The following CIMIP2C variants were observed in gnomAD, a reference collection of about 807,000 sequenced individuals.
CIMIP2C encodes the protein ciliary microtubule inner protein 2C.
At chr2:26,563,810 C>T in the CIMIP2C span, among the ~76,000 whole-genome samples, 1 of 152,206 alleles carries the variant, frequency 6.6e-6, no homozygotes, top group South Asian at 2.1e-4. Context: ...CAAATCATTT[C>T]TGGAGGCTGC....
the CIMIP2C span, among the ~76,000 whole-genome samples, chr2:26,577,327 C>T: frequency 2.9e-3 from 442 of 152,274 alleles, 3 homozygotes; most frequent in African/African-American, 8.6e-3. Context: ...GATGAGAAGT[C>T]GTGACTCAGT....
At chr2:26,574,290 G>T in the CIMIP2C span, among the ~76,000 whole-genome samples, 2 of 152,232 alleles carry the variant, frequency 1.3e-5, no homozygotes, top group South Asian at 4.1e-4. Flanking sequence ...AGGGGCAGGG[G>T]TCTGGTGCAG....
chr2:26,572,117 T>C, the CIMIP2C span: 1 of 1,545,456 alleles, frequency 6.5e-7, no homozygotes, highest in South Asian at 1.2e-5. Context: ...CAATTTTAGA[T>C]GCCATGGGTT....
the CIMIP2C span, among the ~76,000 whole-genome samples, chr2:26,573,255 G>A: frequency 1.3e-5 from 2 of 152,122 alleles, no homozygotes; most frequent in Non-Finnish European, 2.9e-5. Flanking sequence ...AAGGAGGGAG[G>A]GAATCTGCAA....
the CIMIP2C span, among the ~76,000 whole-genome samples, chr2:26,565,475 G>A: frequency 1.3e-5 from 2 of 152,210 alleles, no homozygotes; most frequent in South Asian, 2.1e-4. Context: ...GCCGAGCCTC[G>A]GCTTTGTGAC....
the CIMIP2C span, among the ~76,000 whole-genome samples, chr2:26,569,016 CAAAA>C: frequency 9.1e-5 from 12 of 132,040 alleles, no homozygotes; most frequent in Non-Finnish European, 9.7e-5. Flanking sequence ...GACTCAGTCT[CAAAA>C]AAAAAAAAAA....
the CIMIP2C span, chr2:26,577,429 C>A: frequency 2.3e-6 from 3 of 1,280,648 alleles, no homozygotes; most frequent in African/African-American, 2.9e-5. Context: ...CCAACCCTGC[C>A]CAGGTGCAGC....
the CIMIP2C span, among the ~76,000 whole-genome samples, chr2:26,568,280 C>T: frequency 1.3e-5 from 2 of 152,190 alleles, no homozygotes; most frequent in South Asian, 2.1e-4. Context: ...CTTAGGGAGC[C>T]TCTGGCCACT....
At chr2:26,574,338 C>T in the CIMIP2C span, among the ~76,000 whole-genome samples, 12 of 152,308 alleles carry the variant, frequency 7.9e-5, no homozygotes, top group African/African-American at 2.9e-4. Flanking sequence ...AGGCCAGGTA[C>T]AAGGGCACAT....
chr2:26,568,344 G>A, the CIMIP2C span, among the ~76,000 whole-genome samples: 5 of 152,114 alleles, frequency 3.3e-5, no homozygotes, highest in African/African-American at 9.7e-5. Flanking sequence ...CATAAGCCAC[G>A]TCATTCCCCA....
At chr2:26,576,472 C>T in the CIMIP2C span, among the ~76,000 whole-genome samples, 35 of 152,178 alleles carry the variant, frequency 2.3e-4, no homozygotes, top group Non-Finnish European at 4.6e-4. Context: ...TCTCTAGGCT[C>T]CTGCCCTTAC....
the CIMIP2C span, among the ~76,000 whole-genome samples, chr2:26,566,553 G>A: frequency 2.6e-5 from 4 of 152,216 alleles, no homozygotes; most frequent in Non-Finnish European, 5.9e-5. Flanking sequence ...TATCAACATA[G>A]TGTCCTTAAT....
the CIMIP2C span, among the ~76,000 whole-genome samples, chr2:26,575,261 C>T: frequency 6.6e-6 from 1 of 152,210 alleles, no homozygotes; most frequent in Non-Finnish European, 1.5e-5. Context: ...AGCAAGGCTG[C>T]GGCGTCCTGA....
the CIMIP2C span, among the ~76,000 whole-genome samples, chr2:26,564,427 C>T: frequency 4.6e-5 from 7 of 152,132 alleles, no homozygotes; most frequent in East Asian, 3.9e-4. Context: ...TTCCCTTGAG[C>T]GCCCTGTCCT....
chr2:26,564,140 T>C, the CIMIP2C span, among the ~76,000 whole-genome samples: 3 of 152,218 alleles, frequency 2.0e-5, no homozygotes, highest in Admixed American at 1.3e-4. Flanking sequence ...TTCAAATCCA[T>C]TTTTGCAGCC....
the CIMIP2C span, among the ~76,000 whole-genome samples, chr2:26,576,759 C>T: frequency 6.6e-6 from 1 of 152,216 alleles, no homozygotes; most frequent in Non-Finnish European, 1.5e-5. Flanking sequence ...GAAGGGGACC[C>T]ACCCACACCC....
the CIMIP2C span, chr2:26,579,306 C>A: frequency 1.2e-6 from 2 of 1,614,052 alleles, no homozygotes; most frequent in East Asian, 4.5e-5. Flanking sequence ...CTCCTCTGTG[C>A]CCAAAGAAGA....
the CIMIP2C span, among the ~76,000 whole-genome samples, chr2:26,563,622 C>T: frequency 2.0e-5 from 3 of 152,106 alleles, no homozygotes; most frequent in Non-Finnish European, 4.4e-5. Flanking sequence ...AAAGAGTGAA[C>T]GAATGAATGA....
the CIMIP2C span, chr2:26,579,217 C>T: frequency 4.5e-6 from 7 of 1,556,110 alleles, no homozygotes; most frequent in Middle Eastern, 2.1e-4. Flanking sequence ...AAAGTGGGCA[C>T]GTGGGGCTGT....
Sources: allele counts gnomAD v4.1 joint callset (sites outside exome capture counted in the v4.1 genomes callset), GRCh38; gene constraint gnomAD v4.1.1; transcripts MANE v1.5; gene names NCBI Gene and HGNC (gene_info 2026-07-23, HGNC 2026-07-21).